CDYL2: variants seen among roughly 807,000 people sequenced by gnomAD.
The protein encoded by CDYL2 is chromodomain Y like 2.
CDYL2 carries 23 observed loss-of-function variants against 49.4 expected under a neutral mutation model. The observed-to-expected ratio is 0.47, with a 90% CI of 0.34 to 0.66. The LOEUF (loss-of-function observed/expected upper bound fraction) is 0.66, where lower values mean the gene tolerates loss of function less well. CDYL2 is among the 30% of genes least tolerant of loss of function. CDYL2 has a pLI of 0.01. For synonymous variants in CDYL2, 360 were observed against 268.8 expected (o/e 1.34, Z -3.32); for missense variants, 678 against 656.4 (o/e 1.03, Z -0.36).
intron 1 of CDYL2, among the ~76,000 whole-genome samples, chr16:80,726,433 T>C (rs1905164945): frequency 6.6e-6 from 1 of 152,270 alleles, no homozygotes; most frequent in Admixed American, 6.5e-5. Context: ...AAAAAATTTC[T>C]AATTGCTATG....
At position 80,598,453 on chromosome 16, in the gene CDYL2, A is replaced by G. The variant is rs1223848981; in HGVS notation, c.*5935T>C. 1 of 152,194 alleles carries G rather than the reference A, an allele frequency of 6.6e-6. No individual in the cohort carries two copies. The highest frequency in any genetic ancestry group is 2.4e-5 in the African/African-American group (1 of 41,454). The allele number at this position is 152,194 out of a possible 1,614,324, so 9.4% of individuals were successfully genotyped here. A position where few individuals can be genotyped will look rare whatever the true frequency, so the allele number is the denominator to read the frequency against. On this transcript the variant is annotated 3_prime_UTR_variant, in exon 7 of 7. Coordinates refer to ENST00000570137, the MANE Select transcript of CDYL2 (RefSeq NM_152342.4). ...GATCAATGATTCCATCATGAATGAG[A>G]ATGGAGAGAGAACTGAAGACAATTC...
At chr16:80,675,184 T>C (rs1224613702) in intron 2 of CDYL2, among the ~76,000 whole-genome samples, 1 of 152,202 alleles carries the variant, frequency 6.6e-6, no homozygotes, top group African/African-American at 2.4e-5. Context: ...GGCTTCAACC[T>C]GAATCCCTGA....
intron 2 of CDYL2, among the ~76,000 whole-genome samples, chr16:80,657,252 A>G (rs1908852250): frequency 6.6e-6 from 1 of 152,256 alleles, no homozygotes; most frequent in Admixed American, 6.5e-5. Flanking sequence ...AGATGCAAGA[A>G]AAACATTCAT....
intron 1 of CDYL2, among the ~76,000 whole-genome samples, chr16:80,716,625 GTGGA>G (rs540596300): frequency 4.1e-4 from 62 of 152,150 alleles, no homozygotes; most frequent in Admixed American, 7.8e-4. Flanking sequence ...GGCTAGATGG[GTGGA>G]TGGATGGATG....
chr16:80,684,427 G>T, intron 2 of CDYL2, 111 bp downstream of exon 2: 2 of 997,534 alleles, frequency 2.0e-6, no homozygotes, highest in Non-Finnish European at 3.0e-6. Context: ...TTGCTGGCTA[G>T]CTAAGAGACG....
At chr16:80,716,907 TTGAA>T (rs1904822839) in intron 1 of CDYL2, among the ~76,000 whole-genome samples, 1 of 139,106 alleles carries the variant, frequency 7.2e-6, no homozygotes, top group Admixed American at 7.0e-5. Flanking sequence ...GGATGGATGA[TTGAA>T]TGGACAGATG....
In CDYL2 at chr16:80,601,521, G is replaced by C. The variant is rs1423779479; in HGVS notation, c.*2867C>G. ...GAGGGGAGAAAGGATCCCATAGACA[G>C]AGAGGGGGCCCTGGGGTGGAAGATC... On this transcript the variant is annotated 3_prime_UTR_variant, in exon 7 of 7. Coordinates refer to ENST00000570137, the MANE Select transcript of CDYL2 (RefSeq NM_152342.4). The C allele has an allele frequency of 6.6e-6, 1 of 152,236 alleles. No individual in the cohort carries two copies. Among genetic ancestry groups the C allele is most frequent in the African/African-American group, 2.4e-5 (1 of 41,436 alleles). 9.4% of individuals were successfully genotyped at this position (152,236 alleles called of 1,614,324 possible). A position where few individuals can be genotyped will look rare whatever the true frequency, so the allele number is the denominator to read the frequency against.
chr16:80,676,524 G>T (rs550103480), intron 2 of CDYL2, among the ~76,000 whole-genome samples: 14 of 152,196 alleles, frequency 9.2e-5, no homozygotes, highest in Non-Finnish European at 1.9e-4. Flanking sequence ...GGCCTCTTCT[G>T]GGACAAGCTC....
chr16:80,618,871 C>A (rs567066258), intron 4 of CDYL2, among the ~76,000 whole-genome samples: 3 of 152,326 alleles, frequency 2.0e-5, no homozygotes, highest in East Asian at 3.9e-4. Context: ...AAAGATGGGG[C>A]TCTTTGAGCT....
intron 3 of CDYL2, among the ~76,000 whole-genome samples, chr16:80,631,495 T>A (rs28600122): frequency 6.6e-6 from 1 of 152,156 alleles, no homozygotes; most frequent in Non-Finnish European, 1.5e-5. Context: ...ATTTTATTCA[T>A]CTAAGACATA....
intron 1 of CDYL2, among the ~76,000 whole-genome samples, chr16:80,770,261 A>C (rs886272575): frequency 2.0e-5 from 3 of 152,220 alleles, no homozygotes; most frequent in Non-Finnish European, 4.4e-5. Flanking sequence ...ATTAGGTACC[A>C]AGTTATGTTA....
At chr16:80,758,773 ACCT>A (rs780533577) in intron 1 of CDYL2, among the ~76,000 whole-genome samples, 1 of 151,498 alleles carries the variant, frequency 6.6e-6, no homozygotes. Context: ...CAATCTCCTG[ACCT>A]CCTGATCCGC....
intron 4 of CDYL2, among the ~76,000 whole-genome samples, chr16:80,614,436 A>G (rs1309574414): frequency 6.6e-6 from 1 of 152,216 alleles, no homozygotes; most frequent in Non-Finnish European, 1.5e-5. Context: ...CACAAGATGG[A>G]AGAAGTCTAG....
intron 1 of CDYL2, among the ~76,000 whole-genome samples, chr16:80,696,533 A>C (rs574073718): frequency 3.7e-4 from 57 of 152,206 alleles, no homozygotes; most frequent in African/African-American, 1.3e-3. Flanking sequence ...ATTACAACTG[A>C]TATTATCGAA....
intron 1 of CDYL2, among the ~76,000 whole-genome samples, chr16:80,775,039 CTATAT>C (rs1375351360): frequency 5.3e-5 from 8 of 151,792 alleles, no homozygotes; most frequent in Non-Finnish European, 1.2e-4. Flanking sequence ...AATTAGGTAA[CTATAT>C]TATATCTTCA....
intron 1 of CDYL2, among the ~76,000 whole-genome samples, chr16:80,767,947 G>A (rs902877438): frequency 3.3e-5 from 5 of 152,228 alleles, no homozygotes; most frequent in African/African-American, 4.8e-5. Flanking sequence ...GCAACTTTAC[G>A]GATGCAGGGC....
chr16:80,755,251 T>A (rs920455685), intron 1 of CDYL2, among the ~76,000 whole-genome samples: 1 of 152,218 alleles, frequency 6.6e-6, no homozygotes, highest in Non-Finnish European at 1.5e-5. Flanking sequence ...GTTTGGAGAA[T>A]GGAGGAAACC....
At chr16:80,768,582 C>T (rs1320392643) in intron 1 of CDYL2, among the ~76,000 whole-genome samples, 2 of 152,184 alleles carry the variant, frequency 1.3e-5, no homozygotes, top group Admixed American at 6.5e-5. Context: ...ATCAAGGTCC[C>T]TCTAGCCTCT....
intron 2 of CDYL2, chr16:80,670,824 C>T (rs1366134772): frequency 4.5e-6 from 2 of 444,204 alleles, no homozygotes; most frequent in Non-Finnish European, 9.1e-6. Flanking sequence ...CACCACACCA[C>T]AGTCGGGTTG....
Sources: allele counts gnomAD v4.1 joint callset (sites outside exome capture counted in the v4.1 genomes callset), GRCh38; gene constraint gnomAD v4.1.1; transcripts MANE v1.5; gene names NCBI Gene and HGNC (gene_info 2026-07-23, HGNC 2026-07-21).